Variants in CRLF1 observed in about 807,000 individuals in gnomAD.
CRLF1 encodes the protein cytokine receptor like factor 1, also known as cytokine receptor-like factor 1.
In CRLF1, 36 loss-of-function variants were observed where a neutral mutation model predicts 48.9. The observed-to-expected ratio is 0.74, with a 90% CI of 0.56 to 0.97. CRLF1 has a LOEUF of 0.97. CRLF1 is among the 50% of genes least tolerant of loss of function. The pLI, the probability that CRLF1 is intolerant of heterozygous loss-of-function variation, is 0.00. For synonymous variants in CRLF1, 256 were observed against 253.4 expected, an observed-to-expected ratio of 1.01 and a Z score of -0.10; for missense variants, 534 against 575.1, an observed-to-expected ratio of 0.93 and a Z score of 0.73.
In CRLF1 at chr19:18,606,485, CG is replaced by C; in HGVS notation, c.115+56del. ...CGCCCCCTCCCCCCGCGGCTGCCCC[CG>C]GGGCGCCCGCCCTCTGCTCTGGCAG... On this transcript the variant is annotated intron_variant, in intron 1 of 8. Coordinates refer to ENST00000392386, the MANE Select transcript of CRLF1 (RefSeq NM_004750.5). This position sits in a 1 kb window ranked among gnomAD's most constrained non-coding sequence, Gnocchi z 4.8. 2 of 1,097,464 alleles carry C rather than the reference CG, an allele frequency of 1.8e-6. No homozygotes were observed. The highest frequency in any genetic ancestry group is 9.7e-5 in the East Asian group (2 of 20,568). 68.0% of individuals were successfully genotyped at this position (1,097,464 alleles called of 1,614,324 possible).
intron 6 of CRLF1, among the ~76,000 whole-genome samples, chr19:18,595,985 G>A (rs1053051910): frequency 1.3e-5 from 2 of 152,184 alleles, no homozygotes; most frequent in African/African-American, 4.8e-5. Flanking sequence ...AGATGGGGAT[G>A]GGCAAATGGA....
intron 1 of CRLF1, among the ~76,000 whole-genome samples, chr19:18,604,811 C>G (rs1353529490): frequency 6.6e-6 from 1 of 152,222 alleles, no homozygotes; most frequent in African/African-American, 2.4e-5. Flanking sequence ...CTCCCTGCCT[C>G]CCCTCCTTTC....
rs775994224 is a variant in CRLF1, at chr19:18,599,686, G to A, written c.276C>T (p.Asn92=). ...RLPPELSRVL[N]ASTLALALAN... Reference sequence around the variant, plus strand: ...CCAGGGCCAGAGCCAAGGTGGAGGCGTTGAGTACACGGGAGAGCTCAGGGG... The same window carrying A: ...CCAGGGCCAGAGCCAAGGTGGAGGCATTGAGTACACGGGAGAGCTCAGGGG... Residue 92 remains asparagine, a synonymous_variant, in exon 2 of 9, where the codon AAC becomes AAT. Coordinates refer to ENST00000392386, the MANE Select transcript of CRLF1 (RefSeq NM_004750.5). The A allele has an allele frequency of 9.3e-6, 15 of 1,612,592 alleles. No homozygotes were observed. The highest frequency in any genetic ancestry group is 2.2e-5 in the East Asian group (1 of 44,862).
chr19:18,594,480 G>T, intron 6 of CRLF1, 46 bp from the exon 7 acceptor site: 2 of 1,290,560 alleles, frequency 1.5e-6, no homozygotes, highest in Non-Finnish European at 2.0e-6. Context: ...CCGGCAGGGG[G>T]TGCGCGCGGG....
chr19:18,594,488 G>A, intron 6 of CRLF1, 54 bp from the exon 7 acceptor site: 1 of 1,261,670 alleles, frequency 7.9e-7, no homozygotes, highest in Non-Finnish European at 1.0e-6. Context: ...GGGTGCGCGC[G>A]GGCAGGAGAG....
chr19:18,597,030 G>A lies in CRLF1; in HGVS notation c.717C>T (p.Pro239=), dbSNP rs761655766. 1.7e-5 allele frequency: 27 copies of A among 1,612,708 alleles called. No individual in the cohort carries two copies. Among genetic ancestry groups the A allele is most frequent in the Middle Eastern group, 1.7e-4 (1 of 6,056 alleles). ...ILDVVTTDPP[P]DVHVSRVGGL... ...CCCCGACGCGGCTCACGTGCACGTC[G>A]GGCGGGGGGTCCGTGGTCACTGCGG... Residue 239 remains proline (P), a synonymous_variant, in exon 5 of 9, where the codon CCC becomes CCT. Coordinates refer to ENST00000392386, the MANE Select transcript of CRLF1 (RefSeq NM_004750.5).
At chr19:18,598,400 AG>A in intron 4 of CRLF1, 31 bp downstream of exon 4, 1 of 1,589,000 alleles carries the variant, frequency 6.3e-7, no homozygotes. Flanking sequence ...GCTGGTGCCG[AG>A]GGAGGGGCCT....
intron 1 of CRLF1, among the ~76,000 whole-genome samples, chr19:18,605,083 G>A (rs560330351): frequency 1.3e-5 from 2 of 152,212 alleles, no homozygotes; most frequent in African/African-American, 4.8e-5. Flanking sequence ...ATATTGCCGA[G>A]GTGTGAGAAT....
chr19:18,594,030 G>GGGGGGGGGGCC, intron 8 of CRLF1, 35 bp downstream of exon 8: 7 of 1,315,280 alleles, frequency 5.3e-6, no homozygotes, highest in East Asian at 2.6e-5. Context: ...CCCTCCCCTT[G>GGGGGGGGGGCC]CTCCCTCCCG....
chr19:18,599,303 G>A (rs1187897978), intron 2 of CRLF1, among the ~76,000 whole-genome samples: 7 of 152,058 alleles, frequency 4.6e-5, no homozygotes, highest in Non-Finnish European at 8.8e-5. Flanking sequence ...ATGGGGTTTC[G>A]CCATGTAGGC....
intron 8 of CRLF1, 33 bp downstream of exon 8, chr19:18,594,032 T>TGTGG: frequency 6.2e-5 from 43 of 695,750 alleles, no homozygotes; most frequent in Non-Finnish European, 9.3e-5. Flanking sequence ...CTCCCCTTGC[T>TGTGG]CCCTCCCGCC....
rs1359722926 is a variant in CRLF1, at chr19:18,606,310, G to A, written c.115+232C>T. Reference sequence around the variant, plus strand: ...CCGGGGGCCTGGCCTGGCGCCCTCGGCCCAGCTGCCCAGGTAACAGGGCCT... The same window carrying A: ...CCGGGGGCCTGGCCTGGCGCCCTCGACCCAGCTGCCCAGGTAACAGGGCCT... On this transcript the variant is annotated intron_variant, in intron 1 of 8. Transcript: ENST00000392386. This position sits in a 1 kb window ranked among gnomAD's most constrained non-coding sequence, Gnocchi z 4.8. Among the ~76,000 whole-genome samples the A allele has an allele frequency of 6.6e-6, 1 of 151,564 alleles. No individual in the cohort carries two copies.
chr19:18,595,106 A>G (rs1028586871), intron 6 of CRLF1, among the ~76,000 whole-genome samples: 13 of 152,214 alleles, frequency 8.5e-5, no homozygotes, highest in Admixed American at 6.5e-4. Context: ...GGCTGCAGCC[A>G]GCCCCCAGCA....
At chr19:18,595,651 T>C (rs563868120) in intron 6 of CRLF1, among the ~76,000 whole-genome samples, 17 of 152,360 alleles carry the variant, frequency 1.1e-4, no homozygotes, top group African/African-American at 4.1e-4. Context: ...CCACAAATTA[T>C]GTCATCCAAC....
intron 6 of CRLF1, among the ~76,000 whole-genome samples, chr19:18,595,789 G>A (rs1015895660): frequency 2.0e-5 from 3 of 152,322 alleles, no homozygotes; most frequent in East Asian, 1.9e-4. Flanking sequence ...CTGTGGACCC[G>A]GAGAAATCCC....
chr19:18,594,030 G>GCT, intron 8 of CRLF1, 35 bp downstream of exon 8: 23 of 1,315,310 alleles, frequency 1.7e-5, no homozygotes, highest in South Asian at 8.9e-5. Context: ...CCCTCCCCTT[G>GCT]CTCCCTCCCG....
intron 1 of CRLF1, among the ~76,000 whole-genome samples, chr19:18,605,016 C>T (rs1976271643): frequency 6.6e-6 from 1 of 152,202 alleles, no homozygotes; most frequent in Non-Finnish European, 1.5e-5. Flanking sequence ...TACCTGCAGA[C>T]ACTTTACGAC....
intron 1 of CRLF1, among the ~76,000 whole-genome samples, chr19:18,601,432 G>A (rs1480684015): frequency 1.3e-5 from 2 of 152,020 alleles, no homozygotes; most frequent in Non-Finnish European, 2.9e-5. Flanking sequence ...ACACATCACC[G>A]TGCCCGGCTA....
chr19:18,598,429 C>T lies in CRLF1; in HGVS notation c.697+3G>A. 6.2e-7 allele frequency: 1 copy of T among 1,610,524 alleles called. No homozygotes were observed. The highest frequency in any genetic ancestry group is 8.5e-7 in the Non-Finnish European group (1 of 1,177,608). On this transcript the variant is annotated splice_donor_region_variant and intron_variant, in intron 4 of 8. Coordinates refer to ENST00000392386, the MANE Select transcript of CRLF1 (RefSeq NM_004750.5). Reference sequence around the variant, plus strand: ...AGGGGCCTAGCAGACACTGGGGGCTCACCCACATCCAGGATATCCAGCGTG... The same window carrying T: ...AGGGGCCTAGCAGACACTGGGGGCTTACCCACATCCAGGATATCCAGCGTG...
Sources: gnomAD v4.1 joint callset for allele counts (sites outside exome capture counted in the v4.1 genomes callset) on GRCh38, gnomAD v4.1.1 for gene constraint, Gnocchi (gnomAD v3.1) non-coding constraint, MANE v1.5 for transcripts, NCBI Gene and HGNC (gene_info 2026-07-23, HGNC 2026-07-21) for gene names.